The following SHC3 variants were observed in gnomAD, a reference collection of about 807,000 sequenced individuals.
SHC3 encodes the protein SHC adaptor protein 3.
SHC3 carries 15 observed loss-of-function variants against 60.4 expected under a neutral mutation model. That is an observed-to-expected ratio of 0.25 (90% CI 0.17 to 0.38). The LOEUF (loss-of-function observed/expected upper bound fraction) is 0.38. Ranked by LOEUF, SHC3 falls within the 10% of genes least tolerant of loss-of-function variation. SHC3 has a pLI of 1.00. For missense variants in SHC3, 677 were observed against 786.1 expected (o/e 0.86, Z 1.66); for synonymous variants, 294 against 325.9 (o/e 0.90, Z 1.05).
chr9:89,065,935 G>T (rs1048103854), intron 5 of SHC3, among the ~76,000 whole-genome samples: 1 of 152,164 alleles, frequency 6.6e-6, no homozygotes, highest in Non-Finnish European at 1.5e-5. Flanking sequence ...ATGTTGGATC[G>T]CCTGAGAAGC....
chr9:89,177,993 C>G lies in SHC3; in HGVS notation c.468G>C (p.Val156=). 1.6e-6 allele frequency: 2 copies of G among 1,231,526 alleles called. No homozygotes were observed. Among genetic ancestry groups the G allele is most frequent in the East Asian group, 6.4e-5 (2 of 31,272 alleles). 76.3% of individuals were successfully genotyped at this position (1,231,526 alleles called of 1,614,324 possible). A position where few individuals can be genotyped will look rare whatever the true frequency, so the allele number is the denominator to read the frequency against. The change falls in exon 1 of 12, where the codon GTG becomes GTC. Residue 156 remains valine (V), a synonymous_variant. Coordinates refer to ENST00000375835, the MANE Select transcript of SHC3 (RefSeq NM_016848.6). Reference sequence around the variant, plus strand: ...GGCCCGCGCCCGCACCCACCTTGACCACGTAGGTGACTCCGGGCCCCAGCA... The same window carrying G: ...GGCCCGCGCCCGCACCCACCTTGACGACGTAGGTGACTCCGGGCCCCAGCA... The part of the protein sequence containing the change: ...DQVLGPGVTY[V]VKYLGCIEVL...
intron 1 of SHC3, among the ~76,000 whole-genome samples, chr9:89,121,268 T>C (rs966400596): frequency 6.6e-6 from 1 of 151,850 alleles, no homozygotes; most frequent in Non-Finnish European, 1.5e-5. Flanking sequence ...CCAATGCAAA[T>C]GTACAAAAAG....
At chr9:89,097,519 A>G (rs1825722600) in intron 2 of SHC3, among the ~76,000 whole-genome samples, 1 of 152,248 alleles carries the variant, frequency 6.6e-6, no homozygotes, top group Non-Finnish European at 1.5e-5. Context: ...GAAAGGAAGG[A>G]GGAATTATCG....
intron 6 of SHC3, 89 bp downstream of exon 6, chr9:89,065,440 G>A: frequency 7.5e-7 from 1 of 1,335,850 alleles, no homozygotes; most frequent in Admixed American, 1.7e-5. Flanking sequence ...TTTGTTGGGA[G>A]GGGGCTGAGA....
chr9:89,063,662 T>C (rs1319989306), intron 6 of SHC3, among the ~76,000 whole-genome samples: 1 of 152,210 alleles, frequency 6.6e-6, no homozygotes, highest in African/African-American at 2.4e-5. Context: ...TTGGACCTCC[T>C]AGACCAGCCC....
chr9:89,082,757 C>T lies in SHC3; in HGVS notation c.546-4854G>A, dbSNP rs1256201469. ...CCCCACGGACCCCAGGCAAACTTTA[C>T]CAGAGTCCCATTTTAACCTGCGGTT... On this transcript the variant is annotated intron_variant, in intron 2 of 11. Coordinates refer to ENST00000375835, the MANE Select transcript of SHC3 (RefSeq NM_016848.6). Among the ~76,000 whole-genome samples the T allele has an allele frequency of 2.6e-5, 4 of 152,332 alleles. 1 individual carries two copies. In the East Asian group the frequency reaches 7.7e-4, roughly 29 times the overall value.
Position 89,013,172 on chromosome 9 carries a change from C to T in SHC3, c.*275G>A. On this transcript the variant is annotated 3_prime_UTR_variant, in exon 12 of 12. Coordinates refer to ENST00000375835, the MANE Select transcript of SHC3 (RefSeq NM_016848.6). ...TTTTTTTTTCATTAAAAACATACAGCACAGAACATTAGTCTTACATCTTTC... is the reference window on the plus strand; with the variant it reads ...TTTTTTTTTCATTAAAAACATACAGTACAGAACATTAGTCTTACATCTTTC... 1 of 259,206 alleles carries T rather than the reference C, an allele frequency of 3.9e-6. No individual in the cohort carries two copies. The highest frequency in any genetic ancestry group is 7.1e-6 in the Non-Finnish European group (1 of 140,326). 16.1% of individuals were successfully genotyped at this position (259,206 alleles called of 1,614,324 possible). A position where few individuals can be genotyped will look rare whatever the true frequency, so the allele number is the denominator to read the frequency against.
chr9:89,066,844 G>A (rs922325391), intron 5 of SHC3, among the ~76,000 whole-genome samples: 3 of 152,178 alleles, frequency 2.0e-5, no homozygotes, highest in Admixed American at 1.3e-4. Context: ...AGGAGAGAGA[G>A]ATGAGGGAGA....
chr9:89,104,171 G>GA (rs111729398), intron 2 of SHC3, among the ~76,000 whole-genome samples: 12,897 of 148,592 alleles, frequency 0.087, 639 homozygotes, highest in Admixed American at 0.13. Flanking sequence ...GGGATCAATT[G>GA]AAAAAAAAAA....
chr9:89,029,696 A>G (rs370701287), intron 11 of SHC3, among the ~76,000 whole-genome samples: 5 of 152,330 alleles, frequency 3.3e-5, no homozygotes, highest in African/African-American at 1.2e-4. Flanking sequence ...GTGTCCTAAG[A>G]AATAGATGGA....
chr9:89,008,113 T>A lies in SHC3; in HGVS notation c.*5334A>T, dbSNP rs1449900422. 1 of 152,228 alleles carries A rather than the reference T, an allele frequency of 6.6e-6. No individual in the cohort carries two copies. The highest frequency in any genetic ancestry group is 1.5e-5 in the Non-Finnish European group (1 of 68,052). The allele number at this position is 152,228 out of a possible 1,614,324, so 9.4% of individuals were successfully genotyped here. A position where few individuals can be genotyped will look rare whatever the true frequency, so the allele number is the denominator to read the frequency against. The stretch of plus-strand genomic sequence containing the variant: ...CACAAGTCCTGGTATAAAGTTGCAA[T>A]TTTTCTGGCTGCTATAAAATGTGCC... On this transcript the variant is annotated 3_prime_UTR_variant, in exon 12 of 12. Transcript: ENST00000375835.
intron 6 of SHC3, among the ~76,000 whole-genome samples, chr9:89,054,819 C>A (rs1042688996): frequency 1.3e-5 from 2 of 152,212 alleles, no homozygotes; most frequent in East Asian, 3.8e-4. Context: ...TGGGGAAACT[C>A]GTACCAACAG....
chr9:89,058,079 C>T (rs1824984962), intron 6 of SHC3, among the ~76,000 whole-genome samples: 1 of 152,256 alleles, frequency 6.6e-6, no homozygotes, highest in South Asian at 2.1e-4. Flanking sequence ...ACTTCAGACT[C>T]CTGGCTTCCA....
At position 89,029,918 on chromosome 9, in the gene SHC3, A is replaced by G. The variant is rs530720502; in HGVS notation, c.1656+8075T>C. The stretch of plus-strand genomic sequence containing the variant: ...AAAAGTCAAATGGCAGCTATAAATC[A>G]TATATCATAAATAACATTAAATATG... On this transcript the variant is annotated intron_variant, in intron 11 of 11. Coordinates refer to ENST00000375835, the MANE Select transcript of SHC3 (RefSeq NM_016848.6). Among the ~76,000 whole-genome samples, 117 of 152,330 alleles carry G rather than the reference A, an allele frequency of 7.7e-4. 1 individual carries two copies. In the South Asian group the frequency reaches 0.014, roughly 19 times the overall value.
At chr9:89,121,156 T>C (rs766363205) in intron 1 of SHC3, among the ~76,000 whole-genome samples, 25 of 152,324 alleles carry the variant, frequency 1.6e-4, no homozygotes, top group Non-Finnish European at 2.8e-4. Flanking sequence ...TGAACTATTG[T>C]GATGGACAAC....
chr9:89,070,584 G>A lies in SHC3; in HGVS notation c.783+615C>T, dbSNP rs1477307672. Among the ~76,000 whole-genome samples, 5 of 152,166 alleles carry A rather than the reference G, an allele frequency of 3.3e-5. No homozygotes were observed. In the East Asian group the frequency reaches 5.8e-4, roughly 18 times the overall value. On this transcript the variant is annotated intron_variant, in intron 5 of 11. Coordinates refer to ENST00000375835, the MANE Select transcript of SHC3 (RefSeq NM_016848.6). ...GCTGACATCCTATTGTAGCATTCCC[G>A]CCCAAATGTGGGAAGCAAATTCCCT...
Position 89,121,657 on chromosome 9 carries a change from T to A in SHC3, c.475-9031A>T, listed in dbSNP as rs576469968. On this transcript the variant is annotated intron_variant, in intron 1 of 11. Coordinates refer to ENST00000375835, the MANE Select transcript of SHC3 (RefSeq NM_016848.6). Reference sequence around the variant, plus strand: ...AGTCAATGTTGTGATACTGCACTAGTGTAGAGTCAAATTTGCATGAAAATG... The same window carrying A: ...AGTCAATGTTGTGATACTGCACTAGAGTAGAGTCAAATTTGCATGAAAATG... 2.4e-4 allele frequency among the ~76,000 whole-genome samples: 37 copies of A among 152,336 alleles called. No individual in the cohort carries two copies. In the South Asian group the frequency reaches 7.0e-3, roughly 29 times the overall value.
chr9:89,024,591 G>A (rs150886324), intron 11 of SHC3, among the ~76,000 whole-genome samples: 22 of 152,342 alleles, frequency 1.4e-4, no homozygotes, highest in Admixed American at 3.9e-4. Flanking sequence ...GATGGCTATC[G>A]CGAGTCCTGC....
chr9:89,148,550 A>G (rs1450014883), intron 1 of SHC3, among the ~76,000 whole-genome samples: 1 of 152,254 alleles, frequency 6.6e-6, no homozygotes, highest in Non-Finnish European at 1.5e-5. Context: ...AAAAGGATAC[A>G]GGTAACTTTC....
Sources: allele counts gnomAD v4.1 joint callset (sites outside exome capture counted in the v4.1 genomes callset), GRCh38; gene constraint gnomAD v4.1.1; transcripts MANE v1.5; gene names NCBI Gene and HGNC (gene_info 2026-07-23, HGNC 2026-07-21).